MAPK14: variants seen among roughly 807,000 people sequenced by gnomAD.
The protein encoded by MAPK14 is mitogen-activated protein kinase 14, also known as CSAID-binding protein.
In MAPK14, 16 loss-of-function variants were observed where a neutral mutation model predicts 49.6. That is an observed-to-expected ratio of 0.32 (90% CI 0.22 to 0.49). MAPK14 has a LOEUF of 0.49. Among genes scored for constraint, MAPK14 ranks in the 20% least tolerant of loss-of-function variants. The pLI is 0.99. For synonymous variants in MAPK14, 142 were observed against 158.0 expected (o/e 0.90, Z 0.76); for missense variants, 200 against 441.2 (o/e 0.45, Z 4.90).
At chr6:36,073,792 G>T (rs2127442708) in intron 5 of MAPK14, 72 bp downstream of exon 5, 1 of 1,427,434 alleles carries the variant, frequency 7.0e-7, no homozygotes, top group Non-Finnish European at 9.8e-7. Flanking sequence ...ATTTAGCCAA[G>T]ATCCTAATCT....
chr6:36,085,685 A>G (rs901156147), intron 8 of MAPK14, among the ~76,000 whole-genome samples: 1 of 152,338 alleles, frequency 6.6e-6, no homozygotes, highest in Admixed American at 6.5e-5. Context: ...TTAGAGACCT[A>G]CACAGAGACT....
In MAPK14 at chr6:36,110,184, G is replaced by A. The variant is rs3804451; in HGVS notation, c.*1737G>A. 20,835 of 152,184 alleles carry A rather than the reference G, an allele frequency of 0.14. 1,719 individuals carry two copies. The highest frequency in any genetic ancestry group is 0.24 in the African/African-American group (9,884 of 41,476). The allele number at this position is 152,184 out of a possible 1,614,324, so 9.4% of individuals were successfully genotyped here. On this transcript the variant is annotated 3_prime_UTR_variant, in exon 12 of 12. Coordinates refer to ENST00000229794, the MANE Select transcript of MAPK14 (RefSeq NM_139012.3). The stretch of plus-strand genomic sequence containing the variant: ...TAAAGTCACTTCCAGTGTTGGCTGT[G>A]TGACAGAATCTTGTATTTGGGCCAA...
downstream of MAPK14, among the ~76,000 whole-genome samples, chr6:36,113,635 C>T (rs529033432): frequency 6.6e-6 from 1 of 152,318 alleles, no homozygotes; most frequent in East Asian, 1.9e-4. Context: ...GAACTGTTAG[C>T]AACCATCTCT....
chr6:36,071,607 A>G (rs1031487909), intron 3 of MAPK14, among the ~76,000 whole-genome samples: 1 of 152,214 alleles, frequency 6.6e-6, no homozygotes, highest in African/African-American at 2.4e-5. Context: ...AATATTGTCA[A>G]TGAACAAAAT....
chr6:36,110,039 T>G lies in MAPK14; in HGVS notation c.*1592T>G, dbSNP rs1227448298. The G allele has an allele frequency of 6.6e-6, 1 of 152,336 alleles. No individual in the cohort carries two copies. The highest frequency in any genetic ancestry group is 6.5e-5 in the Admixed American group (1 of 15,280). The allele number at this position is 152,336 out of a possible 1,614,324, so 9.4% of individuals were successfully genotyped here. ...ATTTTAATATTTTGTATTTTCAACTTTATAAAGATAAAATATCCTCAGGGG... is the reference window on the plus strand; with the variant it reads ...ATTTTAATATTTTGTATTTTCAACTGTATAAAGATAAAATATCCTCAGGGG... On this transcript the variant is annotated 3_prime_UTR_variant, in exon 12 of 12. Coordinates refer to ENST00000229794, the MANE Select transcript of MAPK14 (RefSeq NM_139012.3).
intron 1 of MAPK14, among the ~76,000 whole-genome samples, chr6:36,031,324 C>T (rs1161469637): frequency 6.6e-6 from 1 of 151,718 alleles, no homozygotes; most frequent in Non-Finnish European, 1.5e-5. Context: ...TGAAGTTGTT[C>T]TTTCAATGAG....
chr6:36,095,707 C>T (rs912370852), intron 8 of MAPK14, among the ~76,000 whole-genome samples: 2 of 152,164 alleles, frequency 1.3e-5, no homozygotes, highest in Admixed American at 6.5e-5. Context: ...CTAAAGTTGC[C>T]TCACTTTACT....
intron 8 of MAPK14, among the ~76,000 whole-genome samples, chr6:36,085,299 T>A (rs1764934446): frequency 6.6e-6 from 1 of 152,110 alleles, no homozygotes; most frequent in Non-Finnish European, 1.5e-5. Flanking sequence ...GATGATAGGA[T>A]CAAATTCACA....
intron 1 of MAPK14, among the ~76,000 whole-genome samples, chr6:36,029,568 T>C (rs913311965): frequency 1.3e-5 from 2 of 152,226 alleles, no homozygotes; most frequent in African/African-American, 4.8e-5. Flanking sequence ...AAAATCGTTT[T>C]TTTGTTTTGG....
intron 10 of MAPK14, 187 bp downstream of exon 10, chr6:36,102,836 T>A: frequency 1.1e-6 from 1 of 940,086 alleles, no homozygotes; most frequent in South Asian, 1.8e-5. Context: ...GAGATGATTG[T>A]ATGTTTAAAT....
intron 8 of MAPK14, among the ~76,000 whole-genome samples, chr6:36,083,345 C>T (rs866577885): frequency 2.3e-4 from 35 of 152,344 alleles, no homozygotes; most frequent in African/African-American, 7.0e-4. Flanking sequence ...ACCTGTGATT[C>T]AGGAGATCCC....
At chr6:36,099,413 C>G (rs1418701899) in intron 9 of MAPK14, among the ~76,000 whole-genome samples, 2 of 152,180 alleles carry the variant, frequency 1.3e-5, no homozygotes, top group Non-Finnish European at 2.9e-5. Context: ...TCTCATAGTT[C>G]TGCCCTTATC....
intron 8 of MAPK14, among the ~76,000 whole-genome samples, chr6:36,083,645 G>A (rs1395613350): frequency 6.6e-6 from 1 of 152,200 alleles, no homozygotes; most frequent in African/African-American, 2.4e-5. Flanking sequence ...ACGGGGCAGG[G>A]CCTCTCTGCG....
At chr6:36,047,384 T>C (rs1168350924) in intron 1 of MAPK14, among the ~76,000 whole-genome samples, 1 of 152,044 alleles carries the variant, frequency 6.6e-6, no homozygotes, top group Non-Finnish European at 1.5e-5. Context: ...TAGCAGAACA[T>C]AGCAGCTGAG....
At chr6:36,074,177 G>A in intron 6 of MAPK14, 81 bp downstream of exon 6, 2 of 1,007,294 alleles carry the variant, frequency 2.0e-6, no homozygotes, top group Non-Finnish European at 3.1e-6. Context: ...TTCTTAGGGA[G>A]TAGCTTTGTG....
intron 2 of MAPK14, 91 bp from the exon 3 acceptor site, chr6:36,059,198 G>T: frequency 1.2e-6 from 1 of 820,058 alleles, no homozygotes; most frequent in South Asian, 1.7e-5. Context: ...CCTAGACCCT[G>T]ACTCTTTAAA....
At chr6:36,055,843 C>T (rs1322003747) in intron 2 of MAPK14, among the ~76,000 whole-genome samples, 1 of 150,252 alleles carries the variant, frequency 6.7e-6, no homozygotes, top group Non-Finnish European at 1.5e-5. Flanking sequence ...TATTTTAATG[C>T]TGATAAGCTT....
chr6:36,046,893 G>C (rs529431725), intron 1 of MAPK14, among the ~76,000 whole-genome samples: 121 of 152,340 alleles, frequency 7.9e-4, no homozygotes, highest in Non-Finnish European at 1.4e-3. Flanking sequence ...CTAGAAAACT[G>C]CTGCTGTTCC....
chr6:36,059,760 C>T (rs1318689605), intron 3 of MAPK14, among the ~76,000 whole-genome samples: 1 of 152,126 alleles, frequency 6.6e-6, no homozygotes, highest in African/African-American at 2.4e-5. Context: ...TGTAGTGATC[C>T]TCCCACCTCA....
Sources: allele counts gnomAD v4.1 joint callset (sites outside exome capture counted in the v4.1 genomes callset), GRCh38; gene constraint gnomAD v4.1.1; transcripts MANE v1.5; gene names NCBI Gene and HGNC (gene_info 2026-07-23, HGNC 2026-07-21).